Variants in NKAIN2 observed in about 807,000 individuals in gnomAD.
NKAIN2 encodes the protein sodium/potassium-transporting ATPase subunit beta-1-interacting protein 2.
Under a neutral mutation model 32.6 loss-of-function variants are expected in NKAIN2, and 14 were observed. The observed-to-expected ratio is 0.43, with a 90% CI of 0.28 to 0.67. NKAIN2 has a LOEUF of 0.67. Ranked by LOEUF, NKAIN2 falls within the 30% of genes least tolerant of loss-of-function variation. The pLI is 0.17. For missense variants in NKAIN2, 198 were observed against 258.3 expected, an observed-to-expected ratio of 0.77 and a Z score of 1.60; for synonymous variants, 80 against 87.2, an observed-to-expected ratio of 0.92 and a Z score of 0.46.
At chr6:124,248,099 A>G (rs1793507186) in intron 1 of NKAIN2, among the ~76,000 whole-genome samples, 1 of 152,106 alleles carries the variant, frequency 6.6e-6, no homozygotes, top group African/African-American at 2.4e-5. Context: ...ACAAAAACAA[A>G]TGAGCTCCAG....
rs76585852 is a variant in NKAIN2, at chr6:124,238,483, A to T, written c.55-44522A>T. On this transcript the variant is annotated intron_variant, in intron 1 of 6. Coordinates refer to ENST00000368417, the MANE Select transcript of NKAIN2 (RefSeq NM_001040214.3). ...AATAGAAGTCACATTCTTAGAGGCT[A>T]ACATATAAAAGGAGGTTTTTAAATA... Among the ~76,000 whole-genome samples, 1,195 of 152,250 alleles carry T rather than the reference A, an allele frequency of 7.8e-3. 4 individuals carry two copies. The highest frequency in any genetic ancestry group is 0.013 in the Non-Finnish European group (856 of 68,018).
At chr6:124,097,396 C>T (rs1284293961) in intron 1 of NKAIN2, among the ~76,000 whole-genome samples, 1 of 77,832 alleles carries the variant, frequency 1.3e-5, no homozygotes, top group Non-Finnish European at 2.5e-5. Flanking sequence ...AGCAAGACTT[C>T]GTCTTAAAAA....
intron 4 of NKAIN2, among the ~76,000 whole-genome samples, chr6:124,738,490 C>T (rs567916931): frequency 1.3e-5 from 2 of 151,926 alleles, no homozygotes; most frequent in East Asian, 3.9e-4. Flanking sequence ...TTTCTGCCTA[C>T]AAGTGGAAAA....
At chr6:124,548,910 T>C (rs960882572) in intron 3 of NKAIN2, among the ~76,000 whole-genome samples, 2 of 152,138 alleles carry the variant, frequency 1.3e-5, no homozygotes, top group African/African-American at 2.4e-5. Context: ...TTTGCCAACA[T>C]GAAACTGAAA....
chr6:124,639,702 A>T (rs1313192787), intron 3 of NKAIN2, among the ~76,000 whole-genome samples: 1 of 152,186 alleles, frequency 6.6e-6, no homozygotes, highest in African/African-American at 2.4e-5. Flanking sequence ...AAACCTTGTC[A>T]TTCATGAAAA....
intron 1 of NKAIN2, among the ~76,000 whole-genome samples, chr6:124,076,045 T>C (rs9320976): frequency 1.3e-5 from 2 of 152,238 alleles, no homozygotes; most frequent in African/African-American, 4.8e-5. Flanking sequence ...TCTGTGAGAT[T>C]AACATTTTAG....
intron 1 of NKAIN2, among the ~76,000 whole-genome samples, chr6:123,904,854 G>T (rs1376423392): frequency 6.6e-6 from 1 of 152,296 alleles, no homozygotes; most frequent in South Asian, 2.1e-4. Flanking sequence ...GAACGAGTTG[G>T]TGTGGGCAGC....
intron 1 of NKAIN2, among the ~76,000 whole-genome samples, chr6:124,072,789 G>A (rs1783522099): frequency 6.6e-6 from 1 of 151,954 alleles, no homozygotes; most frequent in Admixed American, 6.6e-5. Context: ...TTTCTTCTTT[G>A]ACCTGTGTAC....
chr6:124,564,500 AC>A (rs1780827624), intron 3 of NKAIN2, among the ~76,000 whole-genome samples: 1 of 151,968 alleles, frequency 6.6e-6, no homozygotes, highest in Admixed American at 6.6e-5. Flanking sequence ...CCCCTCCCCC[AC>A]CAGCCAGCAG....
At chr6:124,237,407 T>C (rs1352060207) in intron 1 of NKAIN2, among the ~76,000 whole-genome samples, 1 of 152,194 alleles carries the variant, frequency 6.6e-6, no homozygotes, top group East Asian at 1.9e-4. Context: ...AAACAGAGGA[T>C]CTGGAATTTA....
intron 1 of NKAIN2, among the ~76,000 whole-genome samples, chr6:124,031,318 G>T (rs941755428): frequency 1.3e-5 from 2 of 151,696 alleles, no homozygotes; most frequent in Non-Finnish European, 2.9e-5. Flanking sequence ...TATTAGTCTT[G>T]CTAGCGGTCT....
At chr6:124,759,487 CTCAG>C (rs1247628640) in intron 4 of NKAIN2, among the ~76,000 whole-genome samples, 1 of 151,774 alleles carries the variant, frequency 6.6e-6, no homozygotes, top group African/African-American at 2.4e-5. Flanking sequence ...TCATCCTTCT[CTCAG>C]AAACCCTCTG....
At chr6:124,302,511 T>C (rs1399623227) in intron 2 of NKAIN2, among the ~76,000 whole-genome samples, 1 of 152,186 alleles carries the variant, frequency 6.6e-6, no homozygotes, top group South Asian at 2.1e-4. Context: ...AAATGGGTAA[T>C]GTTTTTTAAA....
At position 124,264,366 on chromosome 6, in the gene NKAIN2, G is replaced by A. The variant is rs533403606; in HGVS notation, c.55-18639G>A. ...TGGGAGATCTCCTAAAACATTACCC[G>A]GATGGTATGGAAAACAATAAGCCAT... On this transcript the variant is annotated intron_variant, in intron 1 of 6. Transcript: ENST00000368417. Among the ~76,000 whole-genome samples, 6 of 151,982 alleles carry A rather than the reference G, an allele frequency of 3.9e-5. No individual in the cohort carries two copies. The South Asian group carries it at 6.3e-4, about 16-fold the overall frequency.
intron 3 of NKAIN2, among the ~76,000 whole-genome samples, chr6:124,563,094 C>A (rs199833497): frequency 2.6e-5 from 4 of 151,746 alleles, no homozygotes; most frequent in Non-Finnish European, 4.4e-5. Flanking sequence ...TTAGTAGAGA[C>A]GGGGTTTCAC....
intron 1 of NKAIN2, among the ~76,000 whole-genome samples, chr6:124,122,257 C>T (rs1262161124): frequency 2.0e-5 from 3 of 151,808 alleles, no homozygotes; most frequent in African/African-American, 4.8e-5. Flanking sequence ...GTTGAGATCA[C>T]GTAGTATATA....
chr6:124,820,874 C>G (rs1445345260), intron 6 of NKAIN2, among the ~76,000 whole-genome samples: 2 of 152,128 alleles, frequency 1.3e-5, no homozygotes, highest in African/African-American at 4.8e-5. Flanking sequence ...ATCCTGAAAC[C>G]ATTCCCCCCA....
chr6:124,116,772 C>T (rs1785638617), intron 1 of NKAIN2, among the ~76,000 whole-genome samples: 1 of 151,808 alleles, frequency 6.6e-6, no homozygotes, highest in East Asian at 1.9e-4. Context: ...ATGCCGGCTA[C>T]ATGTAACCAT....
chr6:124,003,015 C>T (rs1779938893), intron 1 of NKAIN2, among the ~76,000 whole-genome samples: 1 of 152,150 alleles, frequency 6.6e-6, no homozygotes, highest in African/African-American at 2.4e-5. Flanking sequence ...CATGGTTAGA[C>T]CTCCCCTCCC....
Sources: gnomAD v4.1 joint callset for allele counts (sites outside exome capture counted in the v4.1 genomes callset) on GRCh38, gnomAD v4.1.1 for gene constraint, MANE v1.5 for transcripts, NCBI Gene and HGNC (gene_info 2026-07-23, HGNC 2026-07-21) for gene names.